FHIT: variants seen among roughly 807,000 people sequenced by gnomAD.
The protein encoded by FHIT is fragile histidine triad diadenosine triphosphatase.
A neutral mutation model predicts 17.9 loss-of-function variants in FHIT; 19 were observed. The ratio of observed to expected loss-of-function variants is 1.06; its 90% confidence interval spans 0.74 to 1.56. The LOEUF (loss-of-function observed/expected upper bound fraction) is 1.56. Among genes scored for constraint, FHIT ranks in the 40% most tolerant of loss-of-function variants. The pLI is 0.00. For missense variants in FHIT, 248 were observed against 189.2 expected, an observed-to-expected ratio of 1.31 and a Z score of -1.82; for synonymous variants, 81 against 69.7, an observed-to-expected ratio of 1.16 and a Z score of -0.81.
At chr3:61,094,388 T>C (rs1009458856) in intron 2 of FHIT, among the ~76,000 whole-genome samples, 1 of 152,172 alleles carries the variant, frequency 6.6e-6, no homozygotes, top group African/African-American at 2.4e-5. Context: ...GCATCTCACA[T>C]GCAAAGGTGG....
chr3:60,254,076 C>T (rs1024429179), intron 5 of FHIT, among the ~76,000 whole-genome samples: 7 of 152,160 alleles, frequency 4.6e-5, no homozygotes, highest in African/African-American at 9.7e-5. Context: ...TTTACACACA[C>T]AGACACACAT....
At chr3:60,885,705 G>A (rs1412630295) in intron 3 of FHIT, among the ~76,000 whole-genome samples, 2 of 152,058 alleles carry the variant, frequency 1.3e-5, no homozygotes, top group African/African-American at 2.4e-5. Context: ...GATACATCAT[G>A]AGCTTATTAT....
At chr3:60,316,882 C>G (rs1709186957) in intron 5 of FHIT, among the ~76,000 whole-genome samples, 1 of 152,170 alleles carries the variant, frequency 6.6e-6, no homozygotes, top group African/African-American at 2.4e-5. Flanking sequence ...GGTCTGAGGA[C>G]TTTGGATTAC....
chr3:60,898,120 C>A (rs2107209635), intron 3 of FHIT, among the ~76,000 whole-genome samples: 1 of 152,258 alleles, frequency 6.6e-6, no homozygotes, highest in Admixed American at 6.5e-5. Context: ...AAAAAACCCT[C>A]TGTTCTCTAC....
rs139247327 is a variant in FHIT, at chr3:60,243,653, T to C, written c.104-229501A>G. Among the ~76,000 whole-genome samples the C allele has an allele frequency of 7.6e-3, 1,156 of 152,278 alleles. 10 individuals are homozygous for C. Among genetic ancestry groups the C allele is most frequent in the African/African-American group, 0.026 (1,078 of 41,570 alleles). ...ACACCAGTTCAACAGCAGAAACTATTATCTTGAACAGGGTAACACCTACAA... is the reference window on the plus strand; with the variant it reads ...ACACCAGTTCAACAGCAGAAACTATCATCTTGAACAGGGTAACACCTACAA... On this transcript the variant is annotated intron_variant, in intron 5 of 9. Transcript: ENST00000492590.
At chr3:60,818,375 G>A (rs1575562117) in intron 4 of FHIT, among the ~76,000 whole-genome samples, 1 of 152,016 alleles carries the variant, frequency 6.6e-6, no homozygotes. Context: ...TTTTCTGAAG[G>A]GTATTGATTT....
intron 4 of FHIT, among the ~76,000 whole-genome samples, chr3:60,789,175 T>TATATAGAG (rs1433649739): frequency 5.8e-4 from 60 of 102,676 alleles, no homozygotes; most frequent in African/African-American, 1.9e-3. Flanking sequence ...TATATATATA[T>TATATAGAG]AGAGAGAGAG....
chr3:60,235,237 T>TTG (rs1704717305), intron 5 of FHIT, among the ~76,000 whole-genome samples: 2 of 149,234 alleles, frequency 1.3e-5, no homozygotes, highest in African/African-American at 2.5e-5. Context: ...GTTTGTTGTT[T>TTG]TTTTTTTTTT....
chr3:61,230,968 T>G (rs866474465), intron 1 of FHIT, among the ~76,000 whole-genome samples: 1 of 152,300 alleles, frequency 6.6e-6, no homozygotes, highest in South Asian at 2.1e-4. Context: ...GAATAAGAAG[T>G]CATCCTTTTA....
intron 5 of FHIT, among the ~76,000 whole-genome samples, chr3:60,303,027 G>A (rs79141958): frequency 0.012 from 1,846 of 152,202 alleles, 37 homozygotes; most frequent in African/African-American, 0.041. Flanking sequence ...TTTGTTGCAT[G>A]GGAATAAAGC....
At chr3:60,033,540 T>C (rs1243442895) in intron 5 of FHIT, among the ~76,000 whole-genome samples, 1 of 151,610 alleles carries the variant, frequency 6.6e-6, no homozygotes, top group Admixed American at 6.6e-5. Context: ...GAAAAAGAAA[T>C]ATGATAATAA....
chr3:60,509,517 T>G (rs1244986418), intron 5 of FHIT, among the ~76,000 whole-genome samples: 1 of 152,224 alleles, frequency 6.6e-6, no homozygotes, highest in Non-Finnish European at 1.5e-5. Context: ...ACTGTTCCTA[T>G]GATCACATCT....
intron 8 of FHIT, among the ~76,000 whole-genome samples, chr3:59,769,969 C>T (rs944001554): frequency 6.6e-5 from 10 of 152,170 alleles, no homozygotes; most frequent in Non-Finnish European, 1.2e-4. Flanking sequence ...ACAGAATTGT[C>T]CATGTTTCAA....
chr3:60,262,909 G>T (rs562088601), intron 5 of FHIT, among the ~76,000 whole-genome samples: 1 of 151,430 alleles, frequency 6.6e-6, no homozygotes. Context: ...TCTTTGAAAG[G>T]CACAGTTTAG....
intron 3 of FHIT, among the ~76,000 whole-genome samples, chr3:60,861,321 A>G (rs1553752547): frequency 1.5e-5 from 2 of 134,302 alleles, no homozygotes; most frequent in Non-Finnish European, 3.1e-5. Flanking sequence ...GACGAAGCTC[A>G]TTACAGCAGT....
chr3:59,752,439 T>A, intron 8 of FHIT, 118 bp from the exon 9 acceptor site: 2 of 619,392 alleles, frequency 3.2e-6, no homozygotes, highest in Non-Finnish European at 5.7e-6. Context: ...AGTAGGTGTA[T>A]CTTTTAATTG....
chr3:60,344,888 A>C (rs192608896), intron 5 of FHIT, among the ~76,000 whole-genome samples: 23 of 152,298 alleles, frequency 1.5e-4, no homozygotes, highest in African/African-American at 4.8e-4. Context: ...TTATCATAAA[A>C]AATTTCAAAG....
intron 8 of FHIT, among the ~76,000 whole-genome samples, chr3:59,909,556 C>A (rs1704767064): frequency 6.6e-6 from 1 of 152,168 alleles, no homozygotes; most frequent in Admixed American, 6.5e-5. Context: ...TCTCAAACTC[C>A]TGACCTCAAG....
intron 5 of FHIT, among the ~76,000 whole-genome samples, chr3:60,363,046 A>G (rs759088558): frequency 4.6e-5 from 7 of 152,224 alleles, no homozygotes; most frequent in Non-Finnish European, 1.0e-4. Flanking sequence ...GATGTTCATT[A>G]TAGGAGCTGA....
Sources: allele counts gnomAD v4.1 joint callset (sites outside exome capture counted in the v4.1 genomes callset), GRCh38; gene constraint gnomAD v4.1.1; transcripts MANE v1.5; gene names NCBI Gene and HGNC (gene_info 2026-07-23, HGNC 2026-07-21).